ABCC1: variants seen among roughly 807,000 people sequenced by gnomAD.
ABCC1 encodes ATP binding cassette subfamily C member 1 (ABCC1 blood group).
In ABCC1, 83 loss-of-function variants were observed where a neutral mutation model predicts 172.9. The observed-to-expected ratio is 0.48, with a 90% CI of 0.40 to 0.58. The LOEUF (loss-of-function observed/expected upper bound fraction) is 0.58. ABCC1 is among the 20% of genes least tolerant of loss of function. The pLI is 0.00. For synonymous variants in ABCC1, 937 were observed against 825.2 expected (o/e 1.14, Z -2.32); for missense variants, 1,817 against 2,002.7 (o/e 0.91, Z 1.77).
intron 1 of ABCC1, among the ~76,000 whole-genome samples, chr16:15,973,641 A>G (rs1416569468): frequency 6.6e-6 from 1 of 152,022 alleles, no homozygotes; most frequent in East Asian, 1.9e-4. Flanking sequence ...TCCATTCTCA[A>G]GATACTATCA....
intron 19 of ABCC1, among the ~76,000 whole-genome samples, chr16:16,102,237 C>T (rs1341004258): frequency 1.3e-5 from 2 of 152,216 alleles, no homozygotes; most frequent in African/African-American, 4.8e-5. Context: ...TTGGGAATCA[C>T]GGGGCTATGC....
chr16:15,973,887 A>AGGT (rs2046425539), intron 1 of ABCC1, among the ~76,000 whole-genome samples: 1 of 151,800 alleles, frequency 6.6e-6, no homozygotes. Context: ...CAGGAGGCAG[A>AGGT]GGTGGGATGA....
rs765498811 is a variant in ABCC1 at position 16,131,817 on chromosome 16, C to T, written c.3848C>T (p.Pro1283Leu). The part of the protein sequence containing the change: ...EAPWQIQETA[P>L]PSSWPQVGRV... Reference sequence around the variant, plus strand: ...CCCTGGCAAATCCAGGAGACAGCTCCGCCCAGCAGCTGGCCCCAGGTGGGC... The same window carrying T: ...CCCTGGCAAATCCAGGAGACAGCTCTGCCCAGCAGCTGGCCCCAGGTGGGC... The change falls in exon 27 of 31, where the codon CCG becomes CTG. Residue 1283 changes from proline (P) to leucine (L), a missense_variant. By Grantham distance (98) the Pro-to-Leu change is moderately conservative. Coordinates refer to ENST00000399410, the MANE Select transcript of ABCC1 (RefSeq NM_004996.4). The T allele has an allele frequency of 9.0e-5, 146 of 1,613,990 alleles. 2 individuals are homozygous for T. The highest frequency in any genetic ancestry group is 6.9e-4 in the South Asian group (63 of 91,084).
intron 1 of ABCC1, among the ~76,000 whole-genome samples, chr16:15,958,662 T>G (rs928118740): frequency 6.6e-6 from 1 of 152,130 alleles, no homozygotes; most frequent in Admixed American, 6.6e-5. Context: ...CAAAATTAAT[T>G]AATGGCCAGA....
At chr16:15,954,551 T>A (rs1386723555) in intron 1 of ABCC1, among the ~76,000 whole-genome samples, 8 of 107,384 alleles carry the variant, frequency 7.4e-5, no homozygotes, top group Non-Finnish European at 1.2e-4. Flanking sequence ...GGGAGAGGCC[T>A]GGGCAGGAGT....
chr16:15,953,739 C>T (rs946858433), intron 1 of ABCC1, among the ~76,000 whole-genome samples: 1 of 152,096 alleles, frequency 6.6e-6, no homozygotes, highest in Non-Finnish European at 1.5e-5. Flanking sequence ...TGATGTGCAC[C>T]TCTGAGATGC....
intron 19 of ABCC1, among the ~76,000 whole-genome samples, chr16:16,101,614 T>C (rs1207477717): frequency 1.3e-5 from 2 of 152,218 alleles, no homozygotes; most frequent in East Asian, 1.9e-4. Flanking sequence ...TCTCCCACCT[T>C]CTCTGGGGTC....
chr16:16,132,302 G>C (rs1473461571), intron 27 of ABCC1, among the ~76,000 whole-genome samples: 1 of 151,784 alleles, frequency 6.6e-6, no homozygotes, highest in Non-Finnish European at 1.5e-5. Context: ...GACTACACAT[G>C]GTTGGGAGTG....
intron 10 of ABCC1, among the ~76,000 whole-genome samples, chr16:16,049,842 C>T (rs1307769188): frequency 3.9e-5 from 6 of 151,986 alleles, no homozygotes; most frequent in African/African-American, 1.2e-4. Context: ...CACCACCACG[C>T]CCATTAAATT....
At chr16:16,022,106 G>A (rs545475300) in intron 5 of ABCC1, among the ~76,000 whole-genome samples, 6 of 152,268 alleles carry the variant, frequency 3.9e-5, no homozygotes, top group Admixed American at 2.0e-4. Context: ...ATCACCTGTC[G>A]CCTGTCCTCA....
intron 14 of ABCC1, 90 bp from the exon 15 acceptor site, chr16:16,076,236 G>A (rs1262382873): frequency 3.0e-6 from 4 of 1,312,246 alleles, no homozygotes; most frequent in South Asian, 2.6e-5. Context: ...AGCGTCTGGG[G>A]TTGAACCATT....
rs572666142 is a variant in ABCC1, at chr16:15,961,612, C to T, written c.48+11813C>T. Among the ~76,000 whole-genome samples the T allele has an allele frequency of 7.9e-5, 12 of 152,162 alleles. No individual in the cohort carries two copies. In the East Asian group the frequency reaches 1.5e-3, roughly 20 times the overall value. On this transcript the variant is annotated intron_variant, in intron 1 of 30. Transcript: ENST00000399410. ...GTATATGCAAATGTATGTGCAAGAA[C>T]GTGTTCGTTTGTGTGTATATGTTTA... is the stretch of plus-strand genomic sequence containing the variant.
intron 10 of ABCC1, among the ~76,000 whole-genome samples, chr16:16,049,663 A>G (rs1038038598): frequency 6.6e-6 from 1 of 151,990 alleles, no homozygotes; most frequent in Non-Finnish European, 1.5e-5. Flanking sequence ...TCATCTAATA[A>G]TACTTTCTGA....
At chr16:15,956,161 G>A (rs1480906002) in intron 1 of ABCC1, among the ~76,000 whole-genome samples, 1 of 152,094 alleles carries the variant, frequency 6.6e-6, no homozygotes, top group Non-Finnish European at 1.5e-5. Flanking sequence ...ATCACTTGAG[G>A]TCAGGAGTTT....
chr16:16,056,421 C>T lies in ABCC1; in HGVS notation c.1677+126C>T, dbSNP rs2049658053. 20 of 1,087,166 alleles carry T rather than the reference C, an allele frequency of 1.8e-5. No homozygotes were observed. The South Asian group carries it at 3.1e-4, about 17-fold the overall frequency. 67.3% of individuals were successfully genotyped at this position (1,087,166 alleles called of 1,614,324 possible). On this transcript the variant is annotated intron_variant, in intron 12 of 30. Coordinates refer to ENST00000399410, the MANE Select transcript of ABCC1 (RefSeq NM_004996.4). ...TGGCTCATGCTTGGTAATCCCAGCA[C>T]TCTGGGAGGCCAAAGCAGGTGGATC...
At position 16,138,394 on chromosome 16, in the gene ABCC1, C is replaced by G; in HGVS notation, c.4323C>G (p.Ala1441=). 6.2e-7 allele frequency: 1 copy of G among 1,603,640 alleles called. No homozygotes were observed. The highest frequency in any genetic ancestry group is 8.5e-7 in the Non-Finnish European group (1 of 1,171,550). The change falls in exon 30 of 31, where the codon GCC becomes GCG. Residue 1441 remains alanine, a synonymous_variant. Coordinates refer to ENST00000399410, the MANE Select transcript of ABCC1 (RefSeq NM_004996.4). ...GGCAGCGCCAGCTTGTGTGCCTAGC[C>G]CGGGCCCTGCTGAGGAAGACGAAGA... ...SVGQRQLVCL[A]RALLRKTKIL...
chr16:16,114,351 T>A (rs2044750638), intron 22 of ABCC1, among the ~76,000 whole-genome samples: 1 of 152,106 alleles, frequency 6.6e-6, no homozygotes, highest in African/African-American at 2.4e-5. Flanking sequence ...ACTATTTTTT[T>A]TTTTTTGAGA....
At chr16:16,109,685 A>C (rs1194445938) in intron 21 of ABCC1, among the ~76,000 whole-genome samples, 4 of 152,138 alleles carry the variant, frequency 2.6e-5, no homozygotes, top group Non-Finnish European at 5.9e-5. Context: ...TATAGGAGGG[A>C]AAGAAACTCC....
intron 22 of ABCC1, among the ~76,000 whole-genome samples, chr16:16,113,005 G>A (rs1185295606): frequency 6.6e-6 from 1 of 152,188 alleles, no homozygotes; most frequent in Non-Finnish European, 1.5e-5. Context: ...CCCGATTAAA[G>A]AGGCCGAGAT....
Sources: allele counts gnomAD v4.1 joint callset (sites outside exome capture counted in the v4.1 genomes callset), GRCh38; gene constraint gnomAD v4.1.1; transcripts MANE v1.5; gene names NCBI Gene and HGNC (gene_info 2026-07-23, HGNC 2026-07-21).